The following SMIM14 variants were observed in gnomAD, a reference collection of about 807,000 sequenced individuals.
SMIM14 encodes small integral membrane protein 14, also known as chromosome 4 open reading frame 34.
A neutral mutation model predicts 12.6 loss-of-function variants in SMIM14; 5 were observed. The ratio of observed to expected loss-of-function variants is 0.40; its 90% CI spans 0.21 to 0.83. The LOEUF is 0.83. Ranked by LOEUF, SMIM14 falls within the 40% of genes least tolerant of loss-of-function variation. The pLI, the probability that SMIM14 is intolerant of heterozygous loss-of-function variation, is 0.37. For synonymous variants in SMIM14, 30 were observed against 40.1 expected (o/e 0.75, Z 0.95); for missense variants, 86 against 119.1 (o/e 0.72, Z 1.29).
At chr4:39,633,769 TC>T (rs1185277165) in intron 1 of SMIM14, among the ~76,000 whole-genome samples, 2 of 152,166 alleles carry the variant, frequency 1.3e-5, no homozygotes, top group African/African-American at 4.8e-5. Flanking sequence ...TAGGAAGAAC[TC>T]TGATGATTGT....
At chr4:39,565,375 G>A (rs1398033973) in intron 3 of SMIM14, among the ~76,000 whole-genome samples, 1 of 152,090 alleles carries the variant, frequency 6.6e-6, no homozygotes. Flanking sequence ...CACCCAGGTT[G>A]GAGTGCAGTG....
intron 1 of SMIM14, among the ~76,000 whole-genome samples, chr4:39,631,222 C>T (rs1293457504): frequency 1.3e-5 from 2 of 150,982 alleles, no homozygotes; most frequent in African/African-American, 4.9e-5. Context: ...ATCCCAACTA[C>T]TCAGGAAGTT....
At chr4:39,572,352 C>T (rs564672500) in intron 3 of SMIM14, 63 bp downstream of exon 3, 2 of 724,454 alleles carry the variant, frequency 2.8e-6, no homozygotes, top group Non-Finnish European at 4.0e-6. Flanking sequence ...CAAATATTCA[C>T]AGGCATCTGG....
rs369155283 is a variant in SMIM14 at position 39,602,392 on chromosome 4, C to T, written c.75+2679G>A. Among the ~76,000 whole-genome samples, 313 of 152,124 alleles carry T rather than the reference C, an allele frequency of 2.1e-3. 2 individuals are homozygous for T. In the Middle Eastern group the frequency reaches 0.034, roughly 17 times the overall value. ...GGCGGATCACCTGAGGTCAGGAGTT[C>T]GAGACCAGCCTGGCCAACATGGTAA... On this transcript the variant is annotated intron_variant, in intron 2 of 4. Coordinates refer to ENST00000295958, the MANE Select transcript of SMIM14 (RefSeq NM_174921.3).
At position 39,615,392 on chromosome 4, in the gene SMIM14, G is replaced by A. The variant is rs897665292; in HGVS notation, c.-35-10212C>T. On this transcript the variant is annotated intron_variant, in intron 1 of 4. Transcript: ENST00000295958. ...AAAGAACTTTAAAAAATAAATAAAT[G>A]AATGGGGGGATTTTTAGGGCAGTGA... 5.9e-5 allele frequency among the ~76,000 whole-genome samples: 9 copies of A among 152,090 alleles called. No homozygotes were observed. The East Asian group carries it at 1.2e-3, about 19-fold the overall frequency.
intron 2 of SMIM14, chr4:39,593,096 A>G (rs1488140993): frequency 2.0e-5 from 3 of 151,798 alleles, no homozygotes; most frequent in Non-Finnish European, 4.4e-5. Flanking sequence ...CAGAGACACA[A>G]CCAAAAAAGA....
chr4:39,562,237 T>A (rs1382840650), intron 3 of SMIM14, among the ~76,000 whole-genome samples: 1 of 151,208 alleles, frequency 6.6e-6, no homozygotes, highest in African/African-American at 2.4e-5. Flanking sequence ...ATTAGCTGAG[T>A]GTGGTGGTGC....
intron 2 of SMIM14, among the ~76,000 whole-genome samples, chr4:39,576,779 T>C (rs2110015327): frequency 7.4e-6 from 1 of 135,056 alleles, no homozygotes; most frequent in East Asian, 2.5e-4. Context: ...TGGCACAATC[T>C]CAGCTCATGG....
intron 2 of SMIM14, among the ~76,000 whole-genome samples, chr4:39,598,857 C>T (rs755749045): frequency 6.4e-4 from 97 of 152,116 alleles, no homozygotes; most frequent in Non-Finnish European, 9.9e-4. Flanking sequence ...CCCCATCCAC[C>T]GCCCCCCTGC....
intron 3 of SMIM14, among the ~76,000 whole-genome samples, chr4:39,564,844 G>A (rs1712494073): frequency 6.6e-6 from 1 of 152,198 alleles, no homozygotes; most frequent in Admixed American, 6.5e-5. Context: ...TCAGGAGCCT[G>A]TGGGATGTTC....
intron 2 of SMIM14, chr4:39,584,061 T>A (rs188199039): frequency 3.4e-4 from 51 of 152,134 alleles, no homozygotes; most frequent in African/African-American, 1.1e-3. Flanking sequence ...GTACGTTCAA[T>A]TCAAGTCTTC....
rs1711589839 is a variant in SMIM14 at position 39,550,094 on chromosome 4, C to T, written c.*2032G>A. The T allele has an allele frequency of 6.6e-6, 1 of 151,982 alleles. No individual in the cohort carries two copies. The highest frequency in any genetic ancestry group is 2.4e-5 in the African/African-American group (1 of 41,370). The allele number at this position is 151,982 out of a possible 1,614,324, so 9.4% of individuals were successfully genotyped here. A position where few individuals can be genotyped will look rare whatever the true frequency, so the allele number is the denominator to read the frequency against. ...CACAATTGTATCAGAGACTATTAAA[C>T]AGTACAATGATACAGAGAATTTATT... On this transcript the variant is annotated 3_prime_UTR_variant, in exon 5 of 5. Transcript: ENST00000295958.
chr4:39,607,028 A>G (rs940618458), intron 1 of SMIM14, among the ~76,000 whole-genome samples: 3 of 152,144 alleles, frequency 2.0e-5, no homozygotes, highest in African/African-American at 7.2e-5. Flanking sequence ...TAATAGAAAA[A>G]GGGGTGGATA....
At chr4:39,579,534 C>CTAGAAAGCCTAT (rs1437503541) in intron 2 of SMIM14, among the ~76,000 whole-genome samples, 3 of 151,708 alleles carry the variant, frequency 2.0e-5, no homozygotes, top group Non-Finnish European at 4.4e-5. Context: ...AATAGGATAT[C>CTAGAAAGCCTAT]TAGAAAGCCT....
At chr4:39,638,473 C>T (rs1304796435) in intron 1 of SMIM14, 33 of 985,354 alleles carry the variant, frequency 3.3e-5, no homozygotes, top group Non-Finnish European at 3.6e-5. Context: ...CCGTGGCTAC[C>T]TTGCCCTTGC....
At chr4:39,585,181 T>C (rs1713725502) in intron 2 of SMIM14, among the ~76,000 whole-genome samples, 1 of 152,120 alleles carries the variant, frequency 6.6e-6, no homozygotes, top group East Asian at 1.9e-4. Context: ...ATAGTGGCCA[T>C]GAAGTGGGAT....
chr4:39,590,022 CAAAAAAA>C lies in SMIM14; in HGVS notation c.75+15042_75+15048del, dbSNP rs34159677. The stretch of plus-strand genomic sequence containing the variant: ...TGGGCAACACAGCAAGACTCTGTTT[CAAAAAAA>C]AAAAAAAAAAAAAAAAGAATACTAA... On this transcript the variant is annotated intron_variant, in intron 2 of 4. Transcript: ENST00000295958. Among the ~76,000 whole-genome samples, 16 of 71,336 alleles carry C rather than the reference CAAAAAAA, an allele frequency of 2.2e-4. No homozygotes were observed. The South Asian group carries it at 2.5e-3, about 11-fold the overall frequency. The allele number at this position is 71,336 out of a possible 152,430, so 46.8% of individuals were successfully genotyped here. A position where few individuals can be genotyped will look rare whatever the true frequency, so the allele number is the denominator to read the frequency against.
At chr4:39,622,424 G>A (rs6836529) in intron 1 of SMIM14, among the ~76,000 whole-genome samples, 16,392 of 151,608 alleles carry the variant, frequency 0.11, 1,407 homozygotes, top group South Asian at 0.3. Flanking sequence ...TTTTTGAGAC[G>A]GAGTCTCGCT....
chr4:39,627,466 A>T (rs534902718), intron 1 of SMIM14, among the ~76,000 whole-genome samples: 26 of 152,278 alleles, frequency 1.7e-4, no homozygotes, highest in African/African-American at 6.3e-4. Context: ...TAGATAAATC[A>T]CTTAGCCTTG....
Sources: allele counts gnomAD v4.1 joint callset (sites outside exome capture counted in the v4.1 genomes callset), GRCh38; gene constraint gnomAD v4.1.1; transcripts MANE v1.5; gene names NCBI Gene and HGNC (gene_info 2026-07-23, HGNC 2026-07-21).